RASSF5: variants seen among roughly 807,000 people sequenced by gnomAD.
RASSF5 encodes ras association domain-containing protein 5.
Under a neutral mutation model 40.5 loss-of-function variants are expected in RASSF5, and 25 were observed. The ratio of observed to expected loss-of-function variants is 0.62; its 90% CI spans 0.45 to 0.86. The LOEUF (loss-of-function observed/expected upper bound fraction) is 0.86. RASSF5 is among the 40% of genes least tolerant of loss of function. RASSF5 has a pLI of 0.00. For synonymous variants in RASSF5, 246 were observed against 252.4 expected, an observed-to-expected ratio of 0.97 and a Z score of 0.24; for missense variants, 521 against 572.8, an observed-to-expected ratio of 0.91 and a Z score of 0.92.
chr1:206,583,481 T>TC lies in RASSF5; in HGVS notation c.690+106dup, dbSNP rs1244479114. On this transcript the variant is annotated intron_variant, in intron 3 of 5. Coordinates refer to ENST00000579436, the MANE Select transcript of RASSF5 (RefSeq NM_182663.4). Reference sequence around the variant, plus strand: ...AATTCTGTGGCTACTCCCTGGCAGGTCCCCTCCCTTTCCTCCGGCCTCCAG... The same window carrying TC: ...AATTCTGTGGCTACTCCCTGGCAGGTCCCCCTCCCTTTCCTCCGGCCTCCAG... The TC allele has an allele frequency of 9.5e-5, 76 of 802,096 alleles. No homozygotes were observed. The African/African-American group carries it at 1.0e-3, about 11-fold the overall frequency. The allele number at this position is 802,096 out of a possible 1,614,324, so 49.7% of individuals were successfully genotyped here.
In RASSF5 at chr1:206,589,086, G is replaced by A. The variant is rs192770805; in HGVS notation, c.*2108G>A. ...CAGTTAGACCCAAGGCCTATGCTGA[G>A]GTCTAAACCTCTGAAAAAAGTATAG... On this transcript the variant is annotated 3_prime_UTR_variant, in exon 6 of 6. Coordinates refer to ENST00000579436, the MANE Select transcript of RASSF5 (RefSeq NM_182663.4). The A allele has an allele frequency of 2.8e-4, 43 of 152,852 alleles. No individual in the cohort carries two copies. Among genetic ancestry groups the A allele is most frequent in the Non-Finnish European group, 1.5e-5 (1 of 68,024 alleles). The allele number at this position is 152,852 out of a possible 1,614,324, so 9.5% of individuals were successfully genotyped here. A position where few individuals can be genotyped will look rare whatever the true frequency, so the allele number is the denominator to read the frequency against.
At chr1:206,536,901 A>G (rs1667428494) in intron 1 of RASSF5, among the ~76,000 whole-genome samples, 2 of 152,290 alleles carry the variant, frequency 1.3e-5, no homozygotes, top group East Asian at 3.9e-4. Flanking sequence ...CACCTCCAGA[A>G]TAGGTGACTC....
At chr1:206,516,729 T>A (rs1666755404) in intron 1 of RASSF5, among the ~76,000 whole-genome samples, 1 of 152,204 alleles carries the variant, frequency 6.6e-6, no homozygotes. Flanking sequence ...AGCGCTGGGA[T>A]TACGGGCATC....
At chr1:206,569,184 G>A (rs1259231613) in intron 2 of RASSF5, among the ~76,000 whole-genome samples, 3 of 152,232 alleles carry the variant, frequency 2.0e-5, no homozygotes, top group East Asian at 3.8e-4. Context: ...TTTATTTAAC[G>A]TGTATTCGCG....
At chr1:206,508,109 G>A (rs1257062395) in intron 1 of RASSF5, 50 bp downstream of exon 1, 1 of 1,294,162 alleles carries the variant, frequency 7.7e-7, no homozygotes, top group Middle Eastern at 2.6e-4. Flanking sequence ...CAGTCTGGGG[G>A]CGAAGGACTG....
intron 2 of RASSF5, among the ~76,000 whole-genome samples, chr1:206,559,571 TC>T (rs368395835): frequency 9.2e-5 from 14 of 152,212 alleles, no homozygotes; most frequent in East Asian, 5.8e-4. Flanking sequence ...CAGAAACACT[TC>T]CTGTACTTTG....
intron 2 of RASSF5, among the ~76,000 whole-genome samples, chr1:206,569,987 A>G (rs1668396530): frequency 6.6e-6 from 1 of 152,084 alleles, no homozygotes; most frequent in Admixed American, 6.5e-5. Context: ...TCTATGGGAA[A>G]CAGATAAAAC....
Position 206,535,614 on chromosome 1 carries a change from A to C in RASSF5, c.458-2558A>C, listed in dbSNP as rs1553398524. ...TTGGTGCTCAAACATGCTTCTTATAAAATCCCAGAACACTTCTCAGAGTCT... is the reference window on the plus strand; with the variant it reads ...TTGGTGCTCAAACATGCTTCTTATACAATCCCAGAACACTTCTCAGAGTCT... On this transcript the variant is annotated intron_variant, in intron 1 of 5. Transcript: ENST00000579436. The surrounding 1 kb of genome is among the most constrained non-coding windows in gnomAD (Gnocchi z 5.0). 2.0e-5 allele frequency among the ~76,000 whole-genome samples: 3 copies of C among 152,056 alleles called. No homozygotes were observed. The highest frequency in any genetic ancestry group is 7.2e-5 in the African/African-American group (3 of 41,380).
chr1:206,565,099 A>G (rs955168062), intron 2 of RASSF5, among the ~76,000 whole-genome samples: 6 of 152,094 alleles, frequency 3.9e-5, no homozygotes, highest in African/African-American at 1.2e-4. Context: ...GAACCAACTC[A>G]TAACTCATTT....
chr1:206,571,007 A>G (rs550362844), intron 2 of RASSF5, among the ~76,000 whole-genome samples: 91 of 152,328 alleles, frequency 6.0e-4, no homozygotes, highest in African/African-American at 2.2e-3. Flanking sequence ...GAGGATCACC[A>G]TACCATTTTC....
intron 1 of RASSF5, chr1:206,529,359 G>A (rs1020528600): frequency 1.2e-5 from 9 of 759,988 alleles, no homozygotes; most frequent in African/African-American, 3.4e-5. Flanking sequence ...GAATAAGAAA[G>A]CTCAGCTGGT....
At chr1:206,541,304 A>C (rs1667540174) in intron 2 of RASSF5, among the ~76,000 whole-genome samples, 1 of 152,198 alleles carries the variant, frequency 6.6e-6, no homozygotes. Flanking sequence ...ATTTTTCAAA[A>C]CATGATTGAG....
chr1:206,538,048 CCA>C, intron 1 of RASSF5, 122 bp from the exon 2 acceptor site: 5 of 1,366,670 alleles, frequency 3.7e-6, no homozygotes, highest in Non-Finnish European at 5.1e-6. Context: ...TCCCGCCCCA[CCA>C]CTTCTCTCCT....
At chr1:206,543,702 T>G (rs1353727691) in intron 2 of RASSF5, 1 of 152,046 alleles carries the variant, frequency 6.6e-6, no homozygotes, top group Non-Finnish European at 1.5e-5. Context: ...CTTTTGCCCT[T>G]TGTTTCTGTG....
chr1:206,522,643 T>C (rs1471501149), intron 1 of RASSF5, among the ~76,000 whole-genome samples: 2 of 152,168 alleles, frequency 1.3e-5, no homozygotes, highest in Admixed American at 1.3e-4. Context: ...TGATGTGCAC[T>C]GAGGGCCTGC....
At chr1:206,555,240 G>A (rs1407656006) in intron 2 of RASSF5, among the ~76,000 whole-genome samples, 1 of 152,154 alleles carries the variant, frequency 6.6e-6, no homozygotes, top group African/African-American at 2.4e-5. Flanking sequence ...AGAGATTCAT[G>A]CTGACTCCTG....
chr1:206,578,115 AC>A (rs67589245), intron 2 of RASSF5, among the ~76,000 whole-genome samples: 34,729 of 151,792 alleles, frequency 0.23, 4,444 homozygotes, highest in Non-Finnish European at 0.28. Flanking sequence ...AGTCCCAGCT[AC>A]ATGGGAGGCT....
In RASSF5 at chr1:206,587,038, T is replaced by C; in HGVS notation, c.*60T>C. ...ATTTATTTGTATTATTAATTATTAT[T>C]TTGCAACAGACACTTTTTCTCAGGA... is the stretch of plus-strand genomic sequence containing the variant. On this transcript the variant is annotated 3_prime_UTR_variant, in exon 6 of 6. Coordinates refer to ENST00000579436, the MANE Select transcript of RASSF5 (RefSeq NM_182663.4). The C allele has an allele frequency of 6.3e-7, 1 of 1,591,048 alleles. No homozygotes were observed. The highest frequency in any genetic ancestry group is 8.6e-7 in the Non-Finnish European group (1 of 1,166,800).
At chr1:206,562,583 A>G (rs1225929934) in intron 2 of RASSF5, among the ~76,000 whole-genome samples, 6 of 152,144 alleles carry the variant, frequency 3.9e-5, no homozygotes, top group African/African-American at 1.4e-4. Flanking sequence ...TGTCCGTCCT[A>G]TAAGATCAGA....
Sources: allele counts gnomAD v4.1 joint callset (sites outside exome capture counted in the v4.1 genomes callset), GRCh38; gene constraint gnomAD v4.1.1; non-coding constraint Gnocchi (gnomAD v3.1); transcripts MANE v1.5; gene names NCBI Gene and HGNC (gene_info 2026-07-23, HGNC 2026-07-21).